MAML3: variants seen among roughly 807,000 people sequenced by gnomAD.
MAML3 encodes mastermind like transcriptional coactivator 3, also known as mastermind-like protein 3.
A neutral mutation model predicts 101.9 loss-of-function variants in MAML3; 27 were observed. The ratio of observed to expected loss-of-function variants is 0.27; its 90% CI spans 0.20 to 0.37. MAML3 has a LOEUF of 0.37. Ranked by LOEUF, MAML3 falls within the 10% of genes least tolerant of loss-of-function variation. MAML3 has a pLI of 1.00. For missense variants in MAML3, 1,316 were observed against 1,444.9 expected (o/e 0.91, Z 1.45); for synonymous variants, 501 against 555.9 (o/e 0.90, Z 1.39).
intron 1 of MAML3, among the ~76,000 whole-genome samples, chr4:140,083,564 T>C (rs1727897368): frequency 6.6e-6 from 1 of 152,212 alleles, no homozygotes; most frequent in African/African-American, 2.4e-5. Context: ...CACTTGAGCC[T>C]TTCCTGAACC....
intron 1 of MAML3, among the ~76,000 whole-genome samples, chr4:139,933,664 A>G (rs1243225426): frequency 6.6e-6 from 1 of 152,212 alleles, no homozygotes; most frequent in African/African-American, 2.4e-5. Context: ...GGAGTCTGTC[A>G]CACTCCTTTG....
At chr4:139,933,485 C>A (rs17005257) in intron 1 of MAML3, among the ~76,000 whole-genome samples, 7,835 of 152,238 alleles carry the variant, frequency 0.051, 627 homozygotes, top group African/African-American at 0.17. Flanking sequence ...GCATTTTACA[C>A]GGAAAAGCCT....
intron 1 of MAML3, among the ~76,000 whole-genome samples, chr4:140,094,664 T>G (rs549504195): frequency 4.3e-4 from 65 of 152,278 alleles, no homozygotes; most frequent in Non-Finnish European, 7.8e-4. Context: ...AACGTGAACT[T>G]CCTAATTAAG....
chr4:140,063,437 A>AGCCT (rs1198305383), intron 1 of MAML3, among the ~76,000 whole-genome samples: 1 of 152,168 alleles, frequency 6.6e-6, no homozygotes, highest in Non-Finnish European at 1.5e-5. Context: ...GGAAAGCCAA[A>AGCCT]GCCTGCCAGT....
intron 2 of MAML3, among the ~76,000 whole-genome samples, chr4:139,835,164 G>A (rs1304169728): frequency 5.3e-5 from 8 of 152,256 alleles, no homozygotes; most frequent in Non-Finnish European, 1.2e-4. Flanking sequence ...TTCACTAAGA[G>A]CAGGGGCTGA....
chr4:140,121,997 C>T (rs1270042083), intron 1 of MAML3, among the ~76,000 whole-genome samples: 6 of 152,060 alleles, frequency 3.9e-5, no homozygotes. Context: ...TCCTTGCTGC[C>T]CCCATTTGAA....
intron 1 of MAML3, among the ~76,000 whole-genome samples, chr4:140,001,513 C>A (rs768694515): frequency 1.3e-4 from 20 of 152,194 alleles, no homozygotes; most frequent in South Asian, 2.1e-4. Flanking sequence ...AGACACCGAG[C>A]TGGCCCTGTC....
At chr4:139,998,996 G>A (rs1734871408) in intron 1 of MAML3, among the ~76,000 whole-genome samples, 2 of 152,134 alleles carry the variant, frequency 1.3e-5, no homozygotes, top group African/African-American at 4.8e-5. Flanking sequence ...GCGGGTAGAG[G>A]TGCACACTCT....
chr4:140,074,215 A>AAGAGAGAGAGAGAG (rs1284116922), intron 1 of MAML3, among the ~76,000 whole-genome samples: 13 of 107,358 alleles, frequency 1.2e-4, no homozygotes, highest in Admixed American at 4.1e-4. Context: ...GAAAGAAAGA[A>AAGAGAGAGAGAGAG]AGAAAGAAAG....
intron 1 of MAML3, among the ~76,000 whole-genome samples, chr4:140,072,446 G>A (rs1246091103): frequency 2.6e-5 from 4 of 152,144 alleles, no homozygotes; most frequent in Non-Finnish European, 2.9e-5. Context: ...CAAGGTGGGC[G>A]GATCACCTGA....
rs868822676 is a variant in MAML3 at position 140,097,539 on chromosome 4, A to T, written c.468+55321T>A. Among the ~76,000 whole-genome samples, 90 of 152,090 alleles carry T rather than the reference A, an allele frequency of 5.9e-4. 1 individual carries two copies. Among genetic ancestry groups the T allele is most frequent in the South Asian group, 8.3e-4 (4 of 4,832 alleles). On this transcript the variant is annotated intron_variant, in intron 1 of 4. Transcript: ENST00000509479. ...AAGATGGGGCTTTGAAATGGGATTT[A>T]AAAAAAAGTTGGGAAGTATTAAAGG... is the stretch of plus-strand genomic sequence containing the variant.
chr4:139,754,165 A>G (rs1440315224), intron 2 of MAML3, among the ~76,000 whole-genome samples: 1 of 152,276 alleles, frequency 6.6e-6, no homozygotes, highest in African/African-American at 2.4e-5. Flanking sequence ...GCATAATGCA[A>G]ACAATATTAC....
intron 2 of MAML3, among the ~76,000 whole-genome samples, chr4:139,862,431 C>A (rs189734194): frequency 6.6e-6 from 1 of 152,178 alleles, no homozygotes; most frequent in South Asian, 2.1e-4. Flanking sequence ...CTCCAAACTG[C>A]GTTTGACCAT....
intron 1 of MAML3, among the ~76,000 whole-genome samples, chr4:140,152,177 C>G (rs1729183679): frequency 6.6e-6 from 1 of 152,170 alleles, no homozygotes; most frequent in Admixed American, 6.5e-5. Context: ...GGAGCGCACC[C>G]GCGCCCCGCA....
intron 2 of MAML3, among the ~76,000 whole-genome samples, chr4:139,755,121 T>C (rs544310289): frequency 6.6e-6 from 1 of 152,328 alleles, no homozygotes; most frequent in South Asian, 2.1e-4. Context: ...ATTCCTGTAG[T>C]TGGCTTGGCC....
chr4:139,940,164 A>G (rs17005264), intron 1 of MAML3, among the ~76,000 whole-genome samples: 19,126 of 152,106 alleles, frequency 0.13, 2,310 homozygotes, highest in East Asian at 0.58. Context: ...ATTGTTTCAA[A>G]TTGTTTTTTA....
intron 2 of MAML3, among the ~76,000 whole-genome samples, chr4:139,884,948 C>G (rs1732297359): frequency 6.6e-6 from 1 of 152,060 alleles, no homozygotes; most frequent in African/African-American, 2.4e-5. Context: ...GAGATCCTGC[C>G]CTTGAGAAAC....
chr4:139,857,748 C>T (rs1731690026), intron 2 of MAML3, among the ~76,000 whole-genome samples: 4 of 152,170 alleles, frequency 2.6e-5, no homozygotes, highest in African/African-American at 9.7e-5. Flanking sequence ...TAAATCTAAG[C>T]CATCTACAAT....
intron 2 of MAML3, among the ~76,000 whole-genome samples, chr4:139,758,151 T>G (rs1320828338): frequency 6.6e-6 from 1 of 152,212 alleles, no homozygotes; most frequent in Admixed American, 6.5e-5. Flanking sequence ...ATTAGCTGCT[T>G]CCTGCAACCT....
Sources: allele counts gnomAD v4.1 joint callset (sites outside exome capture counted in the v4.1 genomes callset), GRCh38; gene constraint gnomAD v4.1.1; transcripts MANE v1.5; gene names NCBI Gene and HGNC (gene_info 2026-07-23, HGNC 2026-07-21).